Variants in KHDRBS3 observed in about 807,000 individuals in gnomAD.
KHDRBS3 encodes the protein KH domain-containing, RNA-binding, signal transduction-associated protein 3.
In KHDRBS3, 23 loss-of-function variants were observed where a neutral mutation model predicts 45.6. The ratio of observed to expected loss-of-function variants is 0.50; its 90% CI spans 0.36 to 0.72. The LOEUF (loss-of-function observed/expected upper bound fraction) is 0.72, where lower values mean the gene tolerates loss of function less well. KHDRBS3 is among the 30% of genes least tolerant of loss of function. The pLI is 0.00. For missense variants in KHDRBS3, 352 were observed against 424.8 expected (o/e 0.83, Z 1.51); for synonymous variants, 162 against 156.5 (o/e 1.04, Z -0.26).
At chr8:135,481,223 G>GA (rs376347444) in intron 1 of KHDRBS3, among the ~76,000 whole-genome samples, 4 of 77,406 alleles carry the variant, frequency 5.2e-5, no homozygotes, top group Non-Finnish European at 1.0e-4. Flanking sequence ...TGAAAGCCAC[G>GA]ATATATATAT....
intron 1 of KHDRBS3, among the ~76,000 whole-genome samples, chr8:135,468,021 C>T (rs578023733): frequency 2.6e-5 from 4 of 152,218 alleles, no homozygotes; most frequent in Non-Finnish European, 5.9e-5. Context: ...TTCTTTCTCC[C>T]TCTTTCTCTT....
chr8:135,606,426 A>T lies in KHDRBS3; in HGVS notation c.808-529A>T, dbSNP rs188035225. Among the ~76,000 whole-genome samples, 7 of 152,234 alleles carry T rather than the reference A, an allele frequency of 4.6e-5. No individual in the cohort carries two copies. In the East Asian group the frequency reaches 1.4e-3, roughly 29 times the overall value. Reference sequence around the variant, plus strand: ...TTGCCTTTAAGTATTTTCTTCAGATACCCTGAGGAAAAAGGCATTTTGCAA... The same window carrying T: ...TTGCCTTTAAGTATTTTCTTCAGATTCCCTGAGGAAAAAGGCATTTTGCAA... On this transcript the variant is annotated intron_variant, in intron 6 of 8. Coordinates refer to ENST00000355849, the MANE Select transcript of KHDRBS3 (RefSeq NM_006558.3).
At chr8:135,653,905 G>T (rs1045011656) in intron 4 of KHDRBS3, among the ~76,000 whole-genome samples, 1 of 152,046 alleles carries the variant, frequency 6.6e-6, no homozygotes, top group Admixed American at 6.6e-5. Flanking sequence ...TGCGAAGTTG[G>T]AAAACCAAAA....
chr8:135,587,232 G>A (rs556631216), intron 6 of KHDRBS3, among the ~76,000 whole-genome samples: 2 of 152,170 alleles, frequency 1.3e-5, no homozygotes, highest in Non-Finnish European at 2.9e-5. Flanking sequence ...CTTCATCGGA[G>A]TTACTGTAAC....
chr8:135,612,915 T>G (rs1829764711), intron 7 of KHDRBS3, among the ~76,000 whole-genome samples: 1 of 151,836 alleles, frequency 6.6e-6, no homozygotes, highest in Non-Finnish European at 1.5e-5. Flanking sequence ...ATTATTAAAA[T>G]TAATTTCACC....
intron 7 of KHDRBS3, among the ~76,000 whole-genome samples, chr8:135,623,454 C>A (rs1446527128): frequency 6.6e-6 from 1 of 152,140 alleles, no homozygotes; most frequent in Non-Finnish European, 1.5e-5. Flanking sequence ...AATTAATGTT[C>A]ACCTTCCTGA....
chr8:135,568,518 A>G (rs1414558759), intron 5 of KHDRBS3, among the ~76,000 whole-genome samples: 1 of 152,218 alleles, frequency 6.6e-6, no homozygotes, highest in Non-Finnish European at 1.5e-5. Flanking sequence ...TAAAATGACA[A>G]GAAACATCGA....
At chr8:135,467,795 C>T (rs1037963019) in intron 1 of KHDRBS3, among the ~76,000 whole-genome samples, 7 of 152,216 alleles carry the variant, frequency 4.6e-5, no homozygotes, top group African/African-American at 1.7e-4. Flanking sequence ...TACTACTTTC[C>T]TTTGGTAATT....
chr8:135,594,367 AAAGC>A (rs996200668), intron 6 of KHDRBS3, among the ~76,000 whole-genome samples: 1 of 152,112 alleles, frequency 6.6e-6, no homozygotes, highest in African/African-American at 2.4e-5. Context: ...ATAGGGGTTA[AAAGC>A]AAAGTTGGGA....
intron 7 of KHDRBS3, chr8:135,625,834 T>C: frequency 1.3e-6 from 1 of 769,772 alleles, no homozygotes; most frequent in South Asian, 1.4e-5. Flanking sequence ...GGGAACAGCA[T>C]GTCCATAAAC....
chr8:135,593,575 T>G (rs1212436248), intron 6 of KHDRBS3, among the ~76,000 whole-genome samples: 1 of 152,190 alleles, frequency 6.6e-6, no homozygotes, highest in Admixed American at 6.5e-5. Context: ...CATCCTGGAC[T>G]CAAGCGATCC....
At chr8:135,481,250 A>ATT (rs1554614706) in intron 1 of KHDRBS3, among the ~76,000 whole-genome samples, 5 of 125,562 alleles carry the variant, frequency 4.0e-5, no homozygotes, top group Non-Finnish European at 6.5e-5. Flanking sequence ...ATATATATAT[A>ATT]TTTAATGTAA....
chr8:135,578,270 G>A (rs564052510), intron 5 of KHDRBS3, among the ~76,000 whole-genome samples: 4 of 152,012 alleles, frequency 2.6e-5, no homozygotes, highest in African/African-American at 9.6e-5. Flanking sequence ...TTCTTTCAAG[G>A]ACTTTTTTGA....
chr8:135,537,277 C>A (rs1825829342), intron 2 of KHDRBS3, among the ~76,000 whole-genome samples: 1 of 152,108 alleles, frequency 6.6e-6, no homozygotes, highest in African/African-American at 2.4e-5. Context: ...AGTAAGATAT[C>A]CCTTTATTAT....
chr8:135,596,048 C>T (rs1274516051), intron 6 of KHDRBS3, among the ~76,000 whole-genome samples: 1 of 152,070 alleles, frequency 6.6e-6, no homozygotes, highest in Non-Finnish European at 1.5e-5. Context: ...GGGCCAACAG[C>T]TTGGGGGAAA....
At chr8:135,530,815 A>G (rs1825435805) in intron 2 of KHDRBS3, among the ~76,000 whole-genome samples, 1 of 152,118 alleles carries the variant, frequency 6.6e-6, no homozygotes, top group Non-Finnish European at 1.5e-5. Flanking sequence ...GCTTGCCTCC[A>G]TCCTTCAGAT....
At chr8:135,536,670 A>G (rs1825772126) in intron 2 of KHDRBS3, among the ~76,000 whole-genome samples, 1 of 152,150 alleles carries the variant, frequency 6.6e-6, no homozygotes, top group Non-Finnish European at 1.5e-5. Context: ...GACAGATTTA[A>G]GAGATGTTGG....
rs765607328 is a variant in KHDRBS3, at chr8:135,548,908, C to T, written c.471+8C>T. ...AAAAAGTTCCTCATCCCTGTTAGTA[C>T]CATTTTTCTTGATAGTTAACTTGTA... On this transcript the variant is annotated splice_region_variant and intron_variant, in intron 4 of 8. Coordinates refer to ENST00000355849, the MANE Select transcript of KHDRBS3 (RefSeq NM_006558.3). The T allele has an allele frequency of 1.9e-6, 3 of 1,562,848 alleles. No homozygotes were observed. Among genetic ancestry groups the T allele is most frequent in the Non-Finnish European group, 1.7e-6 (2 of 1,157,768 alleles).
At chr8:135,612,440 C>G (rs1372328003) in intron 7 of KHDRBS3, among the ~76,000 whole-genome samples, 1 of 151,818 alleles carries the variant, frequency 6.6e-6, no homozygotes, top group Non-Finnish European at 1.5e-5. Flanking sequence ...TGTTTTTCCA[C>G]TTTTACATGA....
Sources: allele counts gnomAD v4.1 joint callset (sites outside exome capture counted in the v4.1 genomes callset), GRCh38; gene constraint gnomAD v4.1.1; transcripts MANE v1.5; gene names NCBI Gene and HGNC (gene_info 2026-07-23, HGNC 2026-07-21).